Variants in DOCK5 observed in about 807,000 individuals in gnomAD.
The protein encoded by DOCK5 is dedicator of cytokinesis protein 5.
DOCK5 carries 142 observed loss-of-function variants against 251.8 expected under a neutral mutation model. That is an observed-to-expected ratio of 0.56 (90% CI 0.49 to 0.65). DOCK5 has a LOEUF of 0.65. Among genes scored for constraint, DOCK5 ranks in the 30% least tolerant of loss-of-function variants. The probability of loss-of-function intolerance (pLI) is 0.00; values close to 1 mark genes in which losing one functional copy is unlikely to be tolerated. For missense variants in DOCK5, 2,111 were observed against 2,312.3 expected (o/e 0.91, Z 1.79); for synonymous variants, 842 against 835.5 (o/e 1.01, Z -0.13).
intron 2 of DOCK5, among the ~76,000 whole-genome samples, chr8:25,247,600 G>T (rs1271434283): frequency 6.9e-6 from 1 of 145,566 alleles, no homozygotes; most frequent in Non-Finnish European, 1.5e-5. Context: ...GTCTCAAAAA[G>T]AAAAAAAAAA....
At chr8:25,211,544 T>G in intron 1 of DOCK5, among the ~76,000 whole-genome samples, 1 of 71,446 alleles carries the variant, frequency 1.4e-5, no homozygotes, top group East Asian at 3.1e-4. Flanking sequence ...CAGTGGCTCA[T>G]GCTTGTAATC....
At chr8:25,359,290 A>C (rs913497314) in intron 28 of DOCK5, among the ~76,000 whole-genome samples, 16 of 152,172 alleles carry the variant, frequency 1.1e-4, no homozygotes, top group African/African-American at 3.6e-4. Context: ...ACACACTTTA[A>C]TCTCTCTTGG....
At chr8:25,379,389 T>C (rs193012882) in intron 38 of DOCK5, among the ~76,000 whole-genome samples, 29 of 152,262 alleles carry the variant, frequency 1.9e-4, no homozygotes, top group African/African-American at 3.4e-4. Flanking sequence ...TTTAGTGATA[T>C]CTCTCCTACT....
At chr8:25,270,127 A>T (rs35819546) in intron 3 of DOCK5, among the ~76,000 whole-genome samples, 8,516 of 152,286 alleles carry the variant, frequency 0.056, 780 homozygotes, top group African/African-American at 0.19. Context: ...TTTGCTTTTA[A>T]TGCAATTCCC....
At position 25,411,322 on chromosome 8, in the gene DOCK5, C is replaced by T. The variant is rs1306723860; in HGVS notation, c.*24C>T. 13 of 1,447,596 alleles carry T rather than the reference C, an allele frequency of 9.0e-6. No homozygotes were observed. The highest frequency in any genetic ancestry group is 3.6e-4 in the Middle Eastern group (2 of 5,554). 89.7% of individuals were successfully genotyped at this position (1,447,596 alleles called of 1,614,324 possible). ...AAGGATCTTGCCCTCCCTGCAACAC[C>T]GAGTGCCTTAGACAGCTGCTGCCTG... On this transcript the variant is annotated 3_prime_UTR_variant, in exon 52 of 52. Coordinates refer to ENST00000276440, the MANE Select transcript of DOCK5 (RefSeq NM_024940.8).
intron 21 of DOCK5, 83 bp from the exon 22 acceptor site, chr8:25,336,156 A>G (rs564031074): frequency 2.7e-6 from 4 of 1,454,944 alleles, no homozygotes; most frequent in East Asian, 2.4e-5. Context: ...CCAGGATGCC[A>G]TGTTCCCCTC....
intron 40 of DOCK5, among the ~76,000 whole-genome samples, chr8:25,385,765 T>C (rs1015441242): frequency 6.6e-6 from 1 of 152,040 alleles, no homozygotes; most frequent in African/African-American, 2.4e-5. Flanking sequence ...CCTCCTACAG[T>C]GTAGCTACTC....
intron 1 of DOCK5, among the ~76,000 whole-genome samples, chr8:25,222,996 A>G: frequency 6.6e-6 from 1 of 152,088 alleles, no homozygotes; most frequent in South Asian, 2.1e-4. Context: ...CTTCCATGGA[A>G]AGTCCTGGAA....
At chr8:25,192,726 G>T (rs1801617162) in intron 1 of DOCK5, among the ~76,000 whole-genome samples, 1 of 152,154 alleles carries the variant, frequency 6.6e-6, no homozygotes, top group African/African-American at 2.4e-5. Flanking sequence ...TTCCCAGGCT[G>T]GTCTTGGGCT....
At position 25,331,454 on chromosome 8, in the gene DOCK5, C is replaced by G. The variant is rs1232599801; in HGVS notation, c.1904-797C>G. Among the ~76,000 whole-genome samples the G allele has an allele frequency of 2.0e-5, 3 of 152,008 alleles. No individual in the cohort carries two copies. The East Asian group carries it at 5.8e-4, about 29-fold the overall frequency. On this transcript the variant is annotated intron_variant, in intron 18 of 51. Coordinates refer to ENST00000276440, the MANE Select transcript of DOCK5 (RefSeq NM_024940.8). ...CAACATTTATTAAACCTGTAAGTGG[C>G]TTAAAGTTTCAAAATTCTCCATTGT...
At chr8:25,255,950 A>G (rs568517300) in intron 2 of DOCK5, among the ~76,000 whole-genome samples, 1 of 152,322 alleles carries the variant, frequency 6.6e-6, no homozygotes, top group Non-Finnish European at 1.5e-5. Flanking sequence ...TGAATGATTC[A>G]ACAGAAATGG....
intron 10 of DOCK5, 81 bp downstream of exon 10, chr8:25,302,535 A>T: frequency 1.4e-6 from 2 of 1,416,010 alleles, no homozygotes; most frequent in East Asian, 2.6e-5. Flanking sequence ...AAAATTAAAC[A>T]TGGAACTAGC....
At chr8:25,290,267 A>T (rs1804452926) in intron 5 of DOCK5, among the ~76,000 whole-genome samples, 1 of 152,168 alleles carries the variant, frequency 6.6e-6, no homozygotes, top group Admixed American at 6.6e-5. Flanking sequence ...TGGAAGAAGA[A>T]TTGTCCACAT....
chr8:25,411,215 C>G lies in DOCK5; in HGVS notation c.5530C>G (p.Arg1844Gly). 1 of 1,590,622 alleles carries G rather than the reference C, an allele frequency of 6.3e-7. No homozygotes were observed. Among genetic ancestry groups the G allele is most frequent in the Non-Finnish European group, 8.5e-7 (1 of 1,170,328 alleles). The change falls in exon 52 of 52, where the codon CGA becomes GGA. Residue 1844 changes from arginine to glycine, a missense_variant. By Grantham distance (125) the Arg-to-Gly change is moderately radical. Transcript: ENST00000276440. ...GCAGCTCGCTCCCCCACTGCCTGTC[C>G]GAAGAGAAGCCAAAGCACCACCCCC... The part of the protein sequence containing the change: ...STELAPPLPV[R>G]REAKAPPPPP...
intron 48 of DOCK5, among the ~76,000 whole-genome samples, 161 bp downstream of exon 48, chr8:25,403,885 CT>C (rs1801480673): frequency 6.6e-6 from 1 of 152,126 alleles, no homozygotes; most frequent in African/African-American, 2.4e-5. Flanking sequence ...ACAACAGTTA[CT>C]AAAAATGAAA....
intron 1 of DOCK5, among the ~76,000 whole-genome samples, chr8:25,227,072 C>G (rs1802551564): frequency 6.6e-6 from 1 of 152,192 alleles, no homozygotes; most frequent in South Asian, 2.1e-4. Context: ...CAATAAACAG[C>G]CTTATTCATA....
At chr8:25,191,321 C>G (rs974290387) in intron 1 of DOCK5, among the ~76,000 whole-genome samples, 3 of 152,306 alleles carry the variant, frequency 2.0e-5, no homozygotes, top group Non-Finnish European at 4.4e-5. Context: ...TATAAAGACC[C>G]AGCTGCCTAT....
At chr8:25,313,960 T>C (rs1805166330) in intron 13 of DOCK5, among the ~76,000 whole-genome samples, 3 of 150,196 alleles carry the variant, frequency 2.0e-5, no homozygotes, top group African/African-American at 7.4e-5. Flanking sequence ...CCTCTTTCTG[T>C]CTCACCTGTG....
chr8:25,222,573 TA>T, intron 1 of DOCK5, among the ~76,000 whole-genome samples: 1 of 152,336 alleles, frequency 6.6e-6, no homozygotes, highest in East Asian at 1.9e-4. Context: ...TTTTACCCTC[TA>T]ATCTGATAGG....
Sources: gnomAD v4.1 joint callset for allele counts (sites outside exome capture counted in the v4.1 genomes callset) on GRCh38, gnomAD v4.1.1 for gene constraint, MANE v1.5 for transcripts, NCBI Gene and HGNC (gene_info 2026-07-23, HGNC 2026-07-21) for gene names.